The following DNAH8 variants were observed in gnomAD, a reference collection of about 807,000 sequenced individuals.
DNAH8 encodes dynein axonemal heavy chain 8.
DNAH8 carries 382 observed loss-of-function variants against 562.1 expected under a neutral mutation model. The observed-to-expected ratio is 0.68, with a 90% confidence interval of 0.63 to 0.74. The LOEUF (loss-of-function observed/expected upper bound fraction) is 0.74. DNAH8 is among the 30% of genes least tolerant of loss of function. The pLI is 0.00. For synonymous variants in DNAH8, 1,881 were observed against 1,919.4 expected, an observed-to-expected ratio of 0.98 and a Z score of 0.52; for missense variants, 5,203 against 5,620.4, an observed-to-expected ratio of 0.93 and a Z score of 2.37.
At chr6:38,926,323 T>G in intron 74 of DNAH8, 113 bp downstream of exon 74, 1 of 1,205,170 alleles carries the variant, frequency 8.3e-7, no homozygotes, top group Non-Finnish European at 1.2e-6. Context: ...TGTTTGCTAA[T>G]TCACACTCTT....
chr6:39,015,406 C>A (rs12213825), intron 91 of DNAH8, among the ~76,000 whole-genome samples: 37,009 of 151,966 alleles, frequency 0.24, 5,571 homozygotes, highest in Non-Finnish European at 0.34. Flanking sequence ...TTTGGCTCTG[C>A]GTCCCCACCC....
intron 70 of DNAH8, among the ~76,000 whole-genome samples, chr6:38,918,408 TAAG>T (rs541813779): frequency 6.2e-4 from 95 of 152,292 alleles, no homozygotes; most frequent in South Asian, 2.3e-3. Flanking sequence ...CAAGCTGTCA[TAAG>T]AAGAAAAACT....
intron 1 of DNAH8, among the ~76,000 whole-genome samples, chr6:38,719,638 C>A (rs1177213762): frequency 1.3e-5 from 2 of 152,116 alleles, no homozygotes; most frequent in African/African-American, 4.8e-5. Flanking sequence ...ATTCTTAAGA[C>A]AAGAGGCAGG....
intron 7 of DNAH8, 58 bp from the exon 8 acceptor site, chr6:38,741,653 A>G (rs1764528717): frequency 7.0e-7 from 1 of 1,419,822 alleles, no homozygotes; most frequent in Non-Finnish European, 9.5e-7. Flanking sequence ...AGATGCAATC[A>G]GATTTTAACA....
chr6:38,785,601 A>T (rs966043935), intron 17 of DNAH8, among the ~76,000 whole-genome samples: 1 of 152,090 alleles, frequency 6.6e-6, no homozygotes, highest in Non-Finnish European at 1.5e-5. Context: ...CGCATGCATT[A>T]GGTACTTTGT....
At chr6:38,784,068 T>A (rs575648130) in intron 17 of DNAH8, among the ~76,000 whole-genome samples, 7 of 152,302 alleles carry the variant, frequency 4.6e-5, no homozygotes, top group African/African-American at 1.4e-4. Context: ...ATTCACAGCA[T>A]ACCTGCATCC....
In DNAH8 at chr6:38,938,986, A is replaced by G. The variant is rs1203216587; in HGVS notation, c.12005A>G (p.Lys4002Arg). Reference sequence around the variant, plus strand: ...CACAGAGAGTTTCAAGCTCTCATTAAAGGTAAAGTGTGTGGGATACAGATG... The same window carrying G: ...CACAGAGAGTTTCAAGCTCTCATTAGAGGTAAAGTGTGTGGGATACAGATG... ...VKHREFQALI[K>R]GGAALDLKAC... Residue 4002 changes from lysine (K) to arginine (R), a missense_variant and splice_region_variant, in exon 79 of 93, where the codon AAA becomes AGA. Transcript: ENST00000327475. The G allele has an allele frequency of 1.2e-6, 2 of 1,612,516 alleles. No individual in the cohort carries two copies. The highest frequency in any genetic ancestry group is 1.1e-5 in the South Asian group (1 of 90,846).
intron 53 of DNAH8, among the ~76,000 whole-genome samples, chr6:38,882,153 A>G (rs1004489222): frequency 7.6e-6 from 1 of 131,880 alleles, no homozygotes; most frequent in Non-Finnish European, 1.6e-5. Flanking sequence ...CAGTTTGGTG[A>G]TTTCTCAAAG....
intron 11 of DNAH8, chr6:38,763,685 T>TAGTC: frequency 6.1e-6 from 1 of 164,370 alleles, no homozygotes. Flanking sequence ...TGCGCACCTG[T>TAGTC]AGTCCCAGCA....
In DNAH8 at chr6:38,862,332, G is replaced by A. The variant is rs756311363; in HGVS notation, c.6184G>A (p.Ala2062Thr). The A allele has an allele frequency of 1.9e-5, 31 of 1,613,988 alleles. No homozygotes were observed. Among genetic ancestry groups the A allele is most frequent in the African/African-American group, 1.9e-4 (14 of 74,916 alleles). The change falls in exon 44 of 93, where the codon GCA becomes ACA. Residue 2062 changes from alanine (A) to threonine (T), a missense_variant. Ala to Thr is a moderately conservative substitution (Grantham distance 58, BLOSUM62 0). Coordinates refer to ENST00000327475, the MANE Select transcript of DNAH8 (RefSeq NM_001206927.2). ...GGGCATGAACATGGGAGGTGCTCCC[G>A]CAGGACCTGCTGGCACTGGCAAAAC... ...ALGMNMGGAP[A>T]GPAGTGKTET...
chr6:38,932,285 TG>T (rs1444237254), intron 76 of DNAH8, among the ~76,000 whole-genome samples: 1 of 151,960 alleles, frequency 6.6e-6, no homozygotes, highest in African/African-American at 2.4e-5. Context: ...GTCCTTGTCT[TG>T]GGGACACCTG....
At chr6:38,897,987 A>C (rs546653748) in intron 60 of DNAH8, among the ~76,000 whole-genome samples, 4 of 152,336 alleles carry the variant, frequency 2.6e-5, no homozygotes, top group Admixed American at 6.5e-5. Flanking sequence ...AATATTTCCT[A>C]TATTAATGTG....
Position 38,924,017 on chromosome 6 carries a change from C to T in DNAH8, c.10817C>T (p.Thr3606Met), listed in dbSNP as rs758157645. 1.8e-5 allele frequency: 29 copies of T among 1,613,942 alleles called. No homozygotes were observed. The Middle Eastern group carries it at 5.0e-4, about 28-fold the overall frequency. ...CTTGTAGGTGATATTCTGCTGTGCA[C>T]GGGATTCCTTTCCTACCTTGGTCCT... Reference protein sequence around the residue: ...NRLVGDILLCTGFLSYLGPFN... With the variant: ...NRLVGDILLCMGFLSYLGPFN... Residue 3606 changes from threonine to methionine, a missense_variant, in exon 73 of 93, where the codon ACG becomes ATG. Thr to Met is a moderately conservative substitution (Grantham distance 81). This residue lies in a region of DNAH8 where 1,399 missense variants were observed against 1,518.4 expected (regional missense o/e 0.92). Transcript: ENST00000327475.
At chr6:38,840,655 T>G (rs1280242353) in intron 33 of DNAH8, among the ~76,000 whole-genome samples, 1 of 152,226 alleles carries the variant, frequency 6.6e-6, no homozygotes, top group African/African-American at 2.4e-5. Flanking sequence ...CAAAAGGGAA[T>G]GCTGCTTTCT....
chr6:38,734,338 A>AT, intron 4 of DNAH8, 136 bp from the exon 5 acceptor site: 2 of 743,390 alleles, frequency 2.7e-6, no homozygotes, highest in Non-Finnish European at 3.7e-6. Context: ...CCCCCCCCAA[A>AT]AAAATTATTC....
chr6:38,781,083 A>T (rs1463202595), intron 15 of DNAH8, among the ~76,000 whole-genome samples, 171 bp from the exon 16 acceptor site: 1 of 152,216 alleles, frequency 6.6e-6, no homozygotes, highest in Non-Finnish European at 1.5e-5. Flanking sequence ...TATGGTCAAC[A>T]TCATTGTTTC....
At chr6:38,745,003 G>A (rs952983196) in intron 8 of DNAH8, among the ~76,000 whole-genome samples, 1 of 152,176 alleles carries the variant, frequency 6.6e-6, no homozygotes, top group Non-Finnish European at 1.5e-5. Flanking sequence ...CACTATATAT[G>A]AAAAGAATGC....
intron 63 of DNAH8, among the ~76,000 whole-genome samples, chr6:38,906,973 T>G (rs1346895292): frequency 6.6e-6 from 1 of 152,208 alleles, no homozygotes; most frequent in Non-Finnish European, 1.5e-5. Flanking sequence ...TCAGATTTTT[T>G]GATTTGGGGG....
At chr6:39,014,097 C>T (rs372215179) in intron 91 of DNAH8, among the ~76,000 whole-genome samples, 1 of 152,082 alleles carries the variant, frequency 6.6e-6, no homozygotes, top group South Asian at 2.1e-4. Context: ...TACATTCATT[C>T]ACTGTATGCA....
Sources: allele counts gnomAD v4.1 joint callset (sites outside exome capture counted in the v4.1 genomes callset), GRCh38; gene constraint gnomAD v4.1.1; regional missense constraint gnomAD v4.1.1; transcripts MANE v1.5; gene names NCBI Gene and HGNC (gene_info 2026-07-23, HGNC 2026-07-21).